Variants in NDUFAF6 observed in about 807,000 individuals in gnomAD.
The protein encoded by NDUFAF6 is NADH dehydrogenase (ubiquinone) complex I, assembly factor 6.
NDUFAF6 carries 45 observed loss-of-function variants against 40.8 expected under a neutral mutation model. The ratio of observed to expected loss-of-function variants is 1.10; its 90% CI spans 0.87 to 1.42. NDUFAF6 has a LOEUF of 1.42. NDUFAF6 is among the 40% of genes most tolerant of loss of function. The pLI is 0.00. For synonymous variants in NDUFAF6, 185 were observed against 155.9 expected, an observed-to-expected ratio of 1.19 and a Z score of -1.39; for missense variants, 435 against 418.5, an observed-to-expected ratio of 1.04 and a Z score of -0.34.
At chr8:95,017,572 C>T (rs531062095) in intron 2 of NDUFAF6, among the ~76,000 whole-genome samples, 35 of 152,312 alleles carry the variant, frequency 2.3e-4, no homozygotes, top group African/African-American at 5.3e-4. Context: ...GACTTTCTAC[C>T]AACCCTTAGG....
intron 2 of NDUFAF6, among the ~76,000 whole-genome samples, chr8:95,084,218 T>C (rs1808967315): frequency 6.6e-6 from 1 of 152,104 alleles, no homozygotes; most frequent in Non-Finnish European, 1.5e-5. Flanking sequence ...TTTTTTCTAT[T>C]GTGAATGCAA....
chr8:95,115,693 C>A (rs968352379), exon 5 of NDUFAF6: 1 of 152,154 alleles, frequency 6.6e-6, no homozygotes, highest in Non-Finnish European at 1.5e-5. Context: ...ATTTCACATA[C>A]GCGAGCTGTC....
intron 1 of NDUFAF6, chr8:94,896,505 T>G (rs891438978): frequency 6.6e-6 from 1 of 151,870 alleles, no homozygotes; most frequent in Non-Finnish European, 1.5e-5. Flanking sequence ...CGCAAACAGG[T>G]TTTGCGGCGG....
In NDUFAF6 at chr8:94,946,696, C is replaced by CAAAAAAAAAAAAAAAAAA. The variant is rs71273438; in HGVS notation, c.-799+1084_-799+1101dup. ...TGGTCAACAGAGTAAGACCCTGTCT[C>CAAAAAAAAAAAAAAAAAA]AAAAAAAAAAAAAAAAAAAAAAAAG... On this transcript the variant is annotated intron_variant, in intron 2 of 14. Coordinates refer to the NDUFAF6 transcript ENST00000396113. 1.2e-3 allele frequency among the ~76,000 whole-genome samples: 43 copies of CAAAAAAAAAAAAAAAAAA among 34,692 alleles called. 3 individuals carry two copies. The highest frequency in any genetic ancestry group is 2.9e-3 in the African/African-American group (31 of 10,592). The allele number at this position is 34,692 out of a possible 152,430, so 22.8% of individuals were successfully genotyped here.
At chr8:95,074,808 G>C (rs1391286530) in intron 9 of NDUFAF6, among the ~76,000 whole-genome samples, 1 of 152,076 alleles carries the variant, frequency 6.6e-6, no homozygotes, top group African/African-American at 2.4e-5. Context: ...CTGGTTTCCT[G>C]TCCTTAGATT....
chr8:95,058,671 G>A lies in NDUFAF6; in HGVS notation c.*734G>A, dbSNP rs965784183. 64 of 1,047,714 alleles carry A rather than the reference G, an allele frequency of 6.1e-5. No individual in the cohort carries two copies. In the African/African-American group the frequency reaches 9.5e-4, roughly 16 times the overall value. 64.9% of individuals were successfully genotyped at this position (1,047,714 alleles called of 1,614,324 possible). A position where few individuals can be genotyped will look rare whatever the true frequency, so the allele number is the denominator to read the frequency against. On this transcript the variant is annotated 3_prime_UTR_variant, in exon 9 of 9. Transcript: ENST00000396124. ...AAAGTTTGTATAAGTGATATGAACG[G>A]TATTGTATTGAACATCCATTAAAGG...
At chr8:94,903,598 T>C (rs1372712584) in intron 1 of NDUFAF6, among the ~76,000 whole-genome samples, 1 of 152,208 alleles carries the variant, frequency 6.6e-6, no homozygotes, top group Non-Finnish European at 1.5e-5. Context: ...AAAGTAGCCA[T>C]CAATTTCAGG....
intron 1 of NDUFAF6, among the ~76,000 whole-genome samples, chr8:94,969,837 A>G (rs1156779681): frequency 6.6e-6 from 1 of 152,200 alleles, no homozygotes; most frequent in Non-Finnish European, 1.5e-5. Context: ...TGATAAGAAA[A>G]ATGCTAAGAC....
chr8:94,930,652 C>G, intron 1 of NDUFAF6: 3 of 1,614,114 alleles, frequency 1.9e-6, no homozygotes, highest in Non-Finnish European at 2.5e-6. Flanking sequence ...TTGGGTTGTT[C>G]CAGAAAAGTT....
At chr8:95,089,893 T>C (rs1224337941) in intron 2 of NDUFAF6, among the ~76,000 whole-genome samples, 1 of 152,144 alleles carries the variant, frequency 6.6e-6, no homozygotes, top group Non-Finnish European at 1.5e-5. Context: ...ATGTGTTGTG[T>C]TTTCATATTA....
chr8:95,000,033 G>A (rs978268804), intron 2 of NDUFAF6, among the ~76,000 whole-genome samples: 4 of 141,800 alleles, frequency 2.8e-5, no homozygotes, highest in African/African-American at 1.0e-4. Context: ...AACATAGTGA[G>A]ACAGGCTGTA....
intron 1 of NDUFAF6, among the ~76,000 whole-genome samples, chr8:94,979,540 T>G (rs185323136): frequency 1.5e-4 from 23 of 152,348 alleles, no homozygotes; most frequent in Non-Finnish European, 3.4e-4. Context: ...ATGAGTTTAG[T>G]CCACATTCCT....
At chr8:95,075,499 G>A in intron 9 of NDUFAF6, 1 of 534,144 alleles carries the variant, frequency 1.9e-6, no homozygotes, top group Non-Finnish European at 3.1e-6. Flanking sequence ...TGTCAGCCTA[G>A]ATTAGCACTC....
At position 95,071,514 on chromosome 8, in the gene NDUFAF6, C is replaced by T. The variant is rs114279258; in HGVS notation, c.*512-4119C>T. On this transcript the variant is annotated intron_variant and NMD_transcript_variant, in intron 9 of 9. Coordinates refer to the NDUFAF6 transcript ENST00000520757. Reference sequence around the variant, plus strand: ...CCACAGGCTGTCCTGGAGGTTCCTACGCCTGCAGTGGGAGCTAAGAGGTCA... The same window carrying T: ...CCACAGGCTGTCCTGGAGGTTCCTATGCCTGCAGTGGGAGCTAAGAGGTCA... 3.2e-3 allele frequency among the ~76,000 whole-genome samples: 490 copies of T among 152,126 alleles called. 2 individuals carry two copies. Among genetic ancestry groups the T allele is most frequent in the African/African-American group, 0.011 (457 of 41,500 alleles).
At chr8:95,048,980 C>T (rs565461748) in intron 7 of NDUFAF6, among the ~76,000 whole-genome samples, 25 of 152,180 alleles carry the variant, frequency 1.6e-4, no homozygotes, top group Non-Finnish European at 3.2e-4. Context: ...CTGCTGCCTT[C>T]TGAATTTACA....
At chr8:95,094,282 TC>T (rs1236040674) in intron 2 of NDUFAF6, among the ~76,000 whole-genome samples, 1 of 152,016 alleles carries the variant, frequency 6.6e-6, no homozygotes, top group Non-Finnish European at 1.5e-5. Context: ...AAGAAATACT[TC>T]CTTTTTCACC....
intron 2 of NDUFAF6, among the ~76,000 whole-genome samples, chr8:94,991,939 T>G (rs1171974972): frequency 6.6e-6 from 1 of 152,222 alleles, no homozygotes; most frequent in African/African-American, 2.4e-5. Context: ...GTGAATATTC[T>G]TGTACAGAGT....
chr8:95,104,241 C>T (rs1217620519), downstream of NDUFAF6, among the ~76,000 whole-genome samples: 1 of 152,150 alleles, frequency 6.6e-6, no homozygotes, highest in African/African-American at 2.4e-5. Flanking sequence ...ATTCACATTT[C>T]CTAGTTCTTT....
chr8:95,073,540 C>T (rs1832942542), intron 9 of NDUFAF6, among the ~76,000 whole-genome samples: 1 of 152,184 alleles, frequency 6.6e-6, no homozygotes, highest in Non-Finnish European at 1.5e-5. Flanking sequence ...TCCCCCATTC[C>T]AGGTGTCTCC....
Sources: gnomAD v4.1 joint callset for allele counts (sites outside exome capture counted in the v4.1 genomes callset) on GRCh38, gnomAD v4.1.1 for gene constraint, MANE v1.5 for transcripts, NCBI Gene and HGNC (gene_info 2026-07-23, HGNC 2026-07-21) for gene names.